The following MARK4 variants were observed in gnomAD, a reference collection of about 807,000 sequenced individuals.
The protein encoded by MARK4 is MAP/microtubule affinity-regulating kinase 4.
MARK4 carries 19 observed loss-of-function variants against 81.5 expected under a neutral mutation model. That is an observed-to-expected ratio of 0.23 (90% confidence interval 0.16 to 0.34). MARK4 has a LOEUF of 0.34. Ranked by LOEUF, MARK4 falls within the 10% of genes least tolerant of loss-of-function variation. The pLI, the probability that MARK4 is intolerant of heterozygous loss-of-function variation, is 1.00. For synonymous variants in MARK4, 436 were observed against 439.0 expected (o/e 0.99, Z 0.08); for missense variants, 772 against 1,058.8 (o/e 0.73, Z 3.76).
chr19:45,301,497 C>T (rs1407188402), intron 16 of MARK4, among the ~76,000 whole-genome samples: 1 of 138,256 alleles, frequency 7.2e-6, no homozygotes, highest in African/African-American at 2.8e-5. Flanking sequence ...GCAGAGGTTG[C>T]AGTGGGCCAA....
At chr19:45,278,125 T>G in intron 9 of MARK4, 83 bp downstream of exon 9, 2 of 1,566,666 alleles carry the variant, frequency 1.3e-6, no homozygotes, top group Non-Finnish European at 8.6e-7. Flanking sequence ...CACAAAAGCC[T>G]TCTTGACACA....
chr19:45,251,453 C>A lies in MARK4; in HGVS notation c.-136C>A. 2 of 523,454 alleles carry A rather than the reference C, an allele frequency of 3.8e-6. No homozygotes were observed. Among genetic ancestry groups the A allele is most frequent in the Non-Finnish European group, 6.6e-6 (2 of 302,422 alleles). The allele number at this position is 523,454 out of a possible 1,614,324, so 32.4% of individuals were successfully genotyped here. ...CCCCGCCCTGCCCCCTCTCCCGCCG[C>A]GCGGACCCGGGCGTTCTCGGCGCCC... On this transcript the variant is annotated 5_prime_UTR_variant, in exon 1 of 17. Transcript: ENST00000262891.
intron 7 of MARK4, among the ~76,000 whole-genome samples, chr19:45,269,738 A>T (rs758988106): frequency 1.3e-5 from 2 of 152,196 alleles, no homozygotes; most frequent in Non-Finnish European, 2.9e-5. Context: ...TGCAATGGGC[A>T]TGAGTTGTGG....
intron 12 of MARK4, among the ~76,000 whole-genome samples, chr19:45,283,469 C>G (rs970564587): frequency 6.7e-5 from 10 of 149,410 alleles, no homozygotes; most frequent in African/African-American, 2.5e-4. Flanking sequence ...CCCTCAGCTA[C>G]TAATCTACTT....
At position 45,271,417 on chromosome 19, in the gene MARK4, A is replaced by C; in HGVS notation, c.550-55A>C. ...GTGCTCCTGTCTGCCTCCCACGTCC[A>C]TGAAAGGCTTTGGCCTTGAGTCCCA... On this transcript the variant is annotated intron_variant, in intron 7 of 16. Transcript: ENST00000262891. The surrounding 1 kb of genome is among the most constrained non-coding windows in gnomAD (Gnocchi z 4.1). 1 of 1,564,224 alleles carries C rather than the reference A, an allele frequency of 6.4e-7. No homozygotes were observed. The highest frequency in any genetic ancestry group is 1.2e-5 in the South Asian group (1 of 85,854).
chr19:45,277,824 TGTGTGTGTGTGTG>T (rs898300789), intron 8 of MARK4, 86 bp from the exon 9 acceptor site: 33 of 18,162 alleles, frequency 1.8e-3, no homozygotes, highest in African/African-American at 3.1e-3. Context: ...GGACAAAGGT[TGTGTGTGTGTGTG>T]TGTGTGTGTG....
Position 45,297,700 on chromosome 19 carries a change from T to G in MARK4, c.1623T>G (p.Pro541=). The G allele has an allele frequency of 6.5e-7, 1 of 1,535,448 alleles. No individual in the cohort carries two copies. The change falls in exon 15 of 17, where the codon CCT becomes CCG. Residue 541 remains proline (P), a synonymous_variant. Coordinates refer to ENST00000262891, the MANE Select transcript of MARK4 (RefSeq NM_001199867.2). ...GCTCAGGCACCCCACGGGTGCCCCC[T>G]GCCTCCCCCTCCAGTCACAGCCTGG... ...ENSSGTPRVP[P]ASPSSHSLAP...
chr19:45,266,091 A>T, intron 6 of MARK4, 134 bp from the exon 7 acceptor site: 1 of 853,744 alleles, frequency 1.2e-6, no homozygotes, highest in Non-Finnish European at 2.0e-6. Context: ...TGACTGAATC[A>T]GGGTGTGAGG....
In MARK4 at chr19:45,302,128, C is replaced by T. The variant is rs1970983379; in HGVS notation, c.1923-246C>T. On this transcript the variant is annotated intron_variant, in intron 16 of 16. Transcript: ENST00000262891. The surrounding 1 kb of genome is among the most constrained non-coding windows in gnomAD (Gnocchi z 4.9). ...GAAGGAACTGATGTGGATGGCACAT[C>T]TCACTTCTGCTCATGTCCCAGAATT... Among the ~76,000 whole-genome samples the T allele has an allele frequency of 6.6e-6, 1 of 152,202 alleles. No homozygotes were observed. The highest frequency in any genetic ancestry group is 2.4e-5 in the African/African-American group (1 of 41,448).
At chr19:45,283,282 G>A (rs566191696) in intron 12 of MARK4, among the ~76,000 whole-genome samples, 7 of 151,580 alleles carry the variant, frequency 4.6e-5, no homozygotes, top group Middle Eastern at 6.8e-3. Context: ...AGTGGCAGGC[G>A]TCTGTAATCC....
chr19:45,269,648 A>G (rs1035161460), intron 7 of MARK4, among the ~76,000 whole-genome samples: 1 of 152,078 alleles, frequency 6.6e-6, no homozygotes, highest in African/African-American at 2.4e-5. Flanking sequence ...CTCTGTTTGT[A>G]GTCAGAAGGC....
intron 12 of MARK4, among the ~76,000 whole-genome samples, chr19:45,286,323 G>T (rs1431700730): frequency 6.6e-6 from 1 of 151,756 alleles, no homozygotes; most frequent in African/African-American, 2.4e-5. Context: ...CAAAGTGCTG[G>T]GATTACAGGC....
chr19:45,283,149 C>T (rs1487085187), intron 12 of MARK4, among the ~76,000 whole-genome samples: 1 of 152,040 alleles, frequency 6.6e-6, no homozygotes, highest in Non-Finnish European at 1.5e-5. Flanking sequence ...GTGGCTCATG[C>T]CCGTAATCCT....
intron 9 of MARK4, 78 bp from the exon 10 acceptor site, chr19:45,278,437 TG>T: frequency 7.8e-7 from 1 of 1,289,088 alleles, no homozygotes; most frequent in Non-Finnish European, 1.1e-6. Flanking sequence ...CTCGGAGGTT[TG>T]GGGCAGGGCA....
At chr19:45,263,230 G>A (rs894911511) in intron 3 of MARK4, 64 bp downstream of exon 3, 51 of 1,613,396 alleles carry the variant, frequency 3.2e-5, no homozygotes, top group Non-Finnish European at 4.2e-5. Flanking sequence ...TGACCCACCT[G>A]ACCCTTCCTG....
chr19:45,265,323 T>G (rs1970437389), intron 6 of MARK4, among the ~76,000 whole-genome samples: 1 of 149,102 alleles, frequency 6.7e-6, no homozygotes, highest in Admixed American at 6.6e-5. Flanking sequence ...TGTAGGTGTG[T>G]GGGGAAGAGA....
At chr19:45,300,795 A>G (rs761569276) in intron 16 of MARK4, among the ~76,000 whole-genome samples, 1 of 152,046 alleles carries the variant, frequency 6.6e-6, no homozygotes, top group Non-Finnish European at 1.5e-5. Context: ...TCCTAAACCA[A>G]TGCCTGCAGC....
chr19:45,274,853 A>G (rs1434583625), intron 8 of MARK4, among the ~76,000 whole-genome samples: 1 of 152,168 alleles, frequency 6.6e-6, no homozygotes, highest in African/African-American at 2.4e-5. Context: ...TTGCTGTGCA[A>G]AGGAGGCACA....
intron 6 of MARK4, among the ~76,000 whole-genome samples, chr19:45,265,946 G>A (rs1364423907): frequency 6.6e-6 from 1 of 152,022 alleles, no homozygotes; most frequent in Non-Finnish European, 1.5e-5. Flanking sequence ...ACAGGTATGG[G>A]ATATCCCCAT....
Sources: gnomAD v4.1 joint callset for allele counts (sites outside exome capture counted in the v4.1 genomes callset) on GRCh38, gnomAD v4.1.1 for gene constraint, Gnocchi (gnomAD v3.1) non-coding constraint, MANE v1.5 for transcripts, NCBI Gene and HGNC (gene_info 2026-07-23, HGNC 2026-07-21) for gene names.